Variants in ZBTB20 observed in about 807,000 individuals in gnomAD.
ZBTB20 encodes the protein zinc finger and BTB domain-containing protein 20.
A neutral mutation model predicts 56.9 loss-of-function variants in ZBTB20; 9 were observed. The ratio of observed to expected loss-of-function variants is 0.16; its 90% CI spans 0.10 to 0.28. The LOEUF is 0.28. Among genes scored for constraint, ZBTB20 ranks in the 10% least tolerant of loss-of-function variants. The probability of loss-of-function intolerance (pLI) is 1.00; values close to 1 mark genes in which losing one functional copy is unlikely to be tolerated. For synonymous variants in ZBTB20, 417 were observed against 420.7 expected (o/e 0.99, Z 0.11); for missense variants, 655 against 1,003.0 (o/e 0.65, Z 4.69).
intron 6 of ZBTB20, among the ~76,000 whole-genome samples, chr3:114,562,121 G>A (rs2052141156): frequency 6.6e-6 from 1 of 151,764 alleles, no homozygotes; most frequent in Admixed American, 6.6e-5. Flanking sequence ...GAATTGAGGA[G>A]TCAGTGCCTT....
At chr3:114,911,118 A>G (rs1420130138) in intron 3 of ZBTB20, among the ~76,000 whole-genome samples, 3 of 48,876 alleles carry the variant, frequency 6.1e-5, no homozygotes, top group African/African-American at 1.2e-4. Flanking sequence ...TTTTCTAGTT[A>G]TCCCAAAAAA....
At chr3:115,076,962 T>G (rs928976363) in intron 1 of ZBTB20, among the ~76,000 whole-genome samples, 28 of 152,078 alleles carry the variant, frequency 1.8e-4, no homozygotes, top group African/African-American at 6.8e-4. Context: ...GGGTTCACAC[T>G]CCCATGAGAA....
chr3:114,829,719 C>G (rs1256184736), intron 4 of ZBTB20, among the ~76,000 whole-genome samples: 2 of 151,736 alleles, frequency 1.3e-5, no homozygotes, highest in African/African-American at 4.8e-5. Flanking sequence ...AACACTAAGA[C>G]AAAGAAAGAA....
At chr3:114,707,224 A>G (rs1416389535) in intron 5 of ZBTB20, among the ~76,000 whole-genome samples, 2 of 152,186 alleles carry the variant, frequency 1.3e-5, no homozygotes, top group African/African-American at 2.4e-5. Flanking sequence ...AAATGTGTGT[A>G]TATCTATTCG....
intron 6 of ZBTB20, among the ~76,000 whole-genome samples, chr3:114,561,930 G>A (rs2052107375): frequency 6.6e-6 from 1 of 152,058 alleles, no homozygotes; most frequent in South Asian, 2.1e-4. Flanking sequence ...GTTTAGGTCA[G>A]CCACCCTCAT....
rs1414050217 is a variant in ZBTB20 at position 114,315,305 on chromosome 3, C to T, written c.*23700G>A. ...AATTAACCTTTCAATTTAAAGCTCT[C>T]TTTCCTTGCCTCTCCCTCTTTCCAA... is the stretch of plus-strand genomic sequence containing the variant. On this transcript the variant is annotated 3_prime_UTR_variant, in exon 12 of 12. Transcript: ENST00000675478. 1 of 152,178 alleles carries T rather than the reference C, an allele frequency of 6.6e-6. No homozygotes were observed. The highest frequency in any genetic ancestry group is 1.5e-5 in the Non-Finnish European group (1 of 68,036). 9.4% of individuals were successfully genotyped at this position (152,178 alleles called of 1,614,324 possible).
chr3:114,742,336 A>G (rs1485007517), intron 5 of ZBTB20, among the ~76,000 whole-genome samples: 1 of 152,134 alleles, frequency 6.6e-6, no homozygotes, highest in African/African-American at 2.4e-5. Context: ...GCCGGGTAGG[A>G]TACTGTGGAT....
intron 4 of ZBTB20, among the ~76,000 whole-genome samples, chr3:114,856,483 T>C (rs1169890612): frequency 6.6e-6 from 1 of 152,108 alleles, no homozygotes; most frequent in African/African-American, 2.4e-5. Flanking sequence ...GGAAGCTGCA[T>C]TGGGGTAATG....
At chr3:114,434,237 CCT>C (rs1309805283) in intron 7 of ZBTB20, among the ~76,000 whole-genome samples, 1 of 151,798 alleles carries the variant, frequency 6.6e-6, no homozygotes, top group African/African-American at 2.4e-5. Context: ...AAATACTTGG[CCT>C]GTGCAAAATG....
chr3:115,120,550 A>C (rs779246699), intron 1 of ZBTB20, among the ~76,000 whole-genome samples: 2 of 152,152 alleles, frequency 1.3e-5, no homozygotes, highest in Non-Finnish European at 2.9e-5. Context: ...CATCAGGATG[A>C]ATGTAAGCCA....
chr3:114,684,085 T>C (rs2062166784), intron 6 of ZBTB20, among the ~76,000 whole-genome samples: 2 of 152,210 alleles, frequency 1.3e-5, no homozygotes. Context: ...CAGTAAATCC[T>C]ACACTGTCCA....
intron 6 of ZBTB20, among the ~76,000 whole-genome samples, chr3:114,559,059 G>A (rs1206288956): frequency 6.6e-6 from 1 of 152,068 alleles, no homozygotes; most frequent in Non-Finnish European, 1.5e-5. Flanking sequence ...GAGTTTACAT[G>A]TTTATTAACT....
chr3:114,828,043 C>A (rs1418864715), intron 4 of ZBTB20, among the ~76,000 whole-genome samples: 1 of 151,628 alleles, frequency 6.6e-6, no homozygotes, highest in Non-Finnish European at 1.5e-5. Context: ...TGGGGATTAA[C>A]TGATAAATCT....
At chr3:114,367,062 A>G (rs1482603181) in intron 10 of ZBTB20, 1 of 152,232 alleles carries the variant, frequency 6.6e-6, no homozygotes, top group African/African-American at 2.4e-5. Flanking sequence ...GCTCTCTGAT[A>G]TGGTAGCACA....
At chr3:114,495,130 G>A (rs561707827) in intron 7 of ZBTB20, among the ~76,000 whole-genome samples, 10 of 152,212 alleles carry the variant, frequency 6.6e-5, no homozygotes, top group South Asian at 2.1e-4. Context: ...CATACACAAC[G>A]CTCAACAATA....
chr3:114,905,218 A>C (rs1388530714), intron 3 of ZBTB20, among the ~76,000 whole-genome samples: 4 of 151,926 alleles, frequency 2.6e-5, no homozygotes, highest in Non-Finnish European at 5.9e-5. Context: ...CTAATTTAAA[A>C]ATGTATTTAA....
chr3:114,875,071 C>G lies in ZBTB20; in HGVS notation c.-417+25233G>C, dbSNP rs1347775926. 2.0e-5 allele frequency among the ~76,000 whole-genome samples: 3 copies of G among 152,186 alleles called. No individual in the cohort carries two copies. In the East Asian group the frequency reaches 5.8e-4, roughly 29 times the overall value. Reference sequence around the variant, plus strand: ...CCCTTGCTATCTTGTCTACTCCTATCTTAATAAGGAATGACTGCCGTGACT... The same window carrying G: ...CCCTTGCTATCTTGTCTACTCCTATGTTAATAAGGAATGACTGCCGTGACT... On this transcript the variant is annotated intron_variant, in intron 4 of 11. Transcript: ENST00000675478.
chr3:114,780,834 A>G (rs2070040050), intron 5 of ZBTB20, among the ~76,000 whole-genome samples: 2 of 152,230 alleles, frequency 1.3e-5, no homozygotes, highest in African/African-American at 2.4e-5. Flanking sequence ...ACACGTAAAC[A>G]ATTTAGACAG....
chr3:115,114,944 TTTC>T (rs1474785846), intron 1 of ZBTB20, among the ~76,000 whole-genome samples: 3 of 152,086 alleles, frequency 2.0e-5, no homozygotes, highest in African/African-American at 7.2e-5. Context: ...CTGCCATAAA[TTTC>T]TTATTACTTC....
Sources: gnomAD v4.1 joint callset for allele counts (sites outside exome capture counted in the v4.1 genomes callset) on GRCh38, gnomAD v4.1.1 for gene constraint, MANE v1.5 for transcripts, NCBI Gene and HGNC (gene_info 2026-07-23, HGNC 2026-07-21) for gene names.